The following VTI1A variants were observed in gnomAD, a reference collection of about 807,000 sequenced individuals.
VTI1A encodes the protein vesicle transport through interaction with t-SNAREs 1A.
In VTI1A, 22 loss-of-function variants were observed where a neutral mutation model predicts 34.9. The observed-to-expected ratio is 0.63, with a 90% confidence interval of 0.45 to 0.90. VTI1A has a LOEUF of 0.90. Among genes scored for constraint, VTI1A ranks in the 40% least tolerant of loss-of-function variants. The pLI, the probability that VTI1A is intolerant of heterozygous loss-of-function variation, is 0.00. For missense variants in VTI1A, 268 were observed against 275.6 expected (o/e 0.97, Z 0.20); for synonymous variants, 87 against 97.3 (o/e 0.89, Z 0.62).
chr10:112,772,519 C>G (rs940385188), intron 7 of VTI1A, among the ~76,000 whole-genome samples: 1 of 152,166 alleles, frequency 6.6e-6, no homozygotes, highest in Non-Finnish European at 1.5e-5. Flanking sequence ...TGATAGTGTC[C>G]TTTGAAACAC....
chr10:112,492,441 C>T (rs993379896), intron 3 of VTI1A, among the ~76,000 whole-genome samples: 29 of 152,094 alleles, frequency 1.9e-4, no homozygotes, highest in African/African-American at 7.0e-4. Context: ...GATATTATAA[C>T]AGATTTATTT....
intron 7 of VTI1A, among the ~76,000 whole-genome samples, chr10:112,811,683 CAAAAAAAAAAAAAAAAA>C (rs869030543): frequency 8.5e-5 from 1 of 11,826 alleles, no homozygotes; most frequent in Non-Finnish European, 1.5e-4. Context: ...GACTCCGTCT[CAAAAAAAAAAAAAAAAA>C]AAAAAAAAAA....
chr10:112,742,281 A>T (rs1395531675), intron 7 of VTI1A, among the ~76,000 whole-genome samples: 2 of 152,198 alleles, frequency 1.3e-5, no homozygotes, highest in Non-Finnish European at 2.9e-5. Context: ...GCCCTTATAA[A>T]TGCACACTTA....
At chr10:112,539,520 G>A (rs572778274) in intron 5 of VTI1A, among the ~76,000 whole-genome samples, 1 of 152,174 alleles carries the variant, frequency 6.6e-6, no homozygotes, top group Non-Finnish European at 1.5e-5. Context: ...TTGGCTTTCT[G>A]CCCGGATTGG....
chr10:112,472,981 GA>G (rs10660196), intron 3 of VTI1A, among the ~76,000 whole-genome samples: 8 of 148,202 alleles, frequency 5.4e-5, no homozygotes, highest in East Asian at 2.0e-4. Context: ...GAGTAAAAAA[GA>G]AAAAAAAAAT....
Position 112,600,420 on chromosome 10 carries a change from C to T in VTI1A, c.427+62090C>T, listed in dbSNP as rs181529343. On this transcript the variant is annotated intron_variant, in intron 5 of 7. Coordinates refer to ENST00000393077, the MANE Select transcript of VTI1A (RefSeq NM_145206.4). The stretch of plus-strand genomic sequence containing the variant: ...ATTATCTGACCACTTATCCTCCAAC[C>T]GTAATTTCTACCACTCTTCTTTACT... Among the ~76,000 whole-genome samples, 8 of 152,250 alleles carry T rather than the reference C, an allele frequency of 5.3e-5. No individual in the cohort carries two copies. The East Asian group carries it at 5.8e-4, about 11-fold the overall frequency.
the VTI1A span, among the ~76,000 whole-genome samples, chr10:112,830,608 A>C: frequency 4.6e-5 from 7 of 150,676 alleles, no homozygotes; most frequent in East Asian, 1.4e-3. Flanking sequence ...CATCCACGTT[A>C]TGTGGATCAC....
At chr10:112,615,125 T>C (rs1845468187) in intron 5 of VTI1A, among the ~76,000 whole-genome samples, 1 of 152,202 alleles carries the variant, frequency 6.6e-6, no homozygotes. Context: ...GGGTTAAGGA[T>C]TTCCAATAAG....
At chr10:112,676,540 T>G (rs991363740) in intron 7 of VTI1A, among the ~76,000 whole-genome samples, 8 of 152,222 alleles carry the variant, frequency 5.3e-5, no homozygotes, top group African/African-American at 1.9e-4. Flanking sequence ...CAGAATGTCT[T>G]CCTTAGTCTC....
chr10:112,722,840 C>T (rs927831478), intron 7 of VTI1A, among the ~76,000 whole-genome samples: 5 of 152,172 alleles, frequency 3.3e-5, no homozygotes, highest in African/African-American at 1.2e-4. Flanking sequence ...CTCATCTAAT[C>T]AGTCTACTCT....
intron 5 of VTI1A, among the ~76,000 whole-genome samples, chr10:112,664,369 G>A (rs11196043): frequency 0.045 from 6,910 of 151,994 alleles, 358 homozygotes; most frequent in African/African-American, 0.11. Flanking sequence ...GCTCACCTCC[G>A]AAATACAGGT....
At chr10:112,707,460 A>C (rs1849239350) in intron 7 of VTI1A, among the ~76,000 whole-genome samples, 1 of 152,196 alleles carries the variant, frequency 6.6e-6, no homozygotes, top group Non-Finnish European at 1.5e-5. Flanking sequence ...CAGCCTCCTG[A>C]GTAGCTGGGA....
chr10:112,545,059 G>A (rs1851026125), intron 5 of VTI1A, among the ~76,000 whole-genome samples: 1 of 152,172 alleles, frequency 6.6e-6, no homozygotes, highest in South Asian at 2.1e-4. Context: ...AGACATGTTA[G>A]GAAGTTTATT....
intron 7 of VTI1A, among the ~76,000 whole-genome samples, chr10:112,805,892 GT>G (rs1191607843): frequency 3.3e-5 from 5 of 152,202 alleles, no homozygotes; most frequent in Non-Finnish European, 5.9e-5. Flanking sequence ...ATAACTTTCT[GT>G]TGTTGAAGCC....
chr10:112,575,859 T>A (rs1843685046), intron 5 of VTI1A, among the ~76,000 whole-genome samples: 1 of 152,190 alleles, frequency 6.6e-6, no homozygotes, highest in Non-Finnish European at 1.5e-5. Flanking sequence ...AAATTAATAC[T>A]ATTCCATTAT....
chr10:112,680,821 A>T (rs1221122912), intron 7 of VTI1A, among the ~76,000 whole-genome samples: 1 of 152,162 alleles, frequency 6.6e-6, no homozygotes, highest in African/African-American at 2.4e-5. Flanking sequence ...CCCCATTCTT[A>T]ACCCACATAT....
chr10:112,651,245 A>G (rs2133801320), intron 5 of VTI1A, among the ~76,000 whole-genome samples: 1 of 152,358 alleles, frequency 6.6e-6, no homozygotes, highest in Non-Finnish European at 1.5e-5. Context: ...ATGACAAAAT[A>G]GTTTATAATA....
chr10:112,782,995 C>T (rs1396853878), intron 7 of VTI1A, among the ~76,000 whole-genome samples: 1 of 152,082 alleles, frequency 6.6e-6, no homozygotes, highest in Non-Finnish European at 1.5e-5. Context: ...GAAAGATGTT[C>T]AAATAACACA....
chr10:112,757,092 A>T (rs897907925), intron 7 of VTI1A, among the ~76,000 whole-genome samples: 1 of 151,796 alleles, frequency 6.6e-6, no homozygotes, highest in Non-Finnish European at 1.5e-5. Context: ...TTCAACAAAT[A>T]CTAATTCAGA....
Sources: gnomAD v4.1 joint callset for allele counts (sites outside exome capture counted in the v4.1 genomes callset) on GRCh38, gnomAD v4.1.1 for gene constraint, MANE v1.5 for transcripts, NCBI Gene and HGNC (gene_info 2026-07-23, HGNC 2026-07-21) for gene names.